Variants in MXRA5 observed in about 807,000 individuals in gnomAD.
MXRA5 encodes the protein matrix-remodeling-associated protein 5.
MXRA5 carries 41 observed loss-of-function variants against 112.5 expected under a neutral mutation model. The ratio of observed to expected loss-of-function variants is 0.36; its 90% CI spans 0.28 to 0.47. MXRA5 has a LOEUF of 0.47. Ranked by LOEUF, MXRA5 falls within the 20% of genes least tolerant of loss-of-function variation. The pLI is 0.99. For synonymous variants in MXRA5, 862 were observed against 900.8 expected (o/e 0.96, Z 0.77); for missense variants, 2,150 against 2,251.0 (o/e 0.96, Z 0.91).
intron 6 of MXRA5, among the ~76,000 whole-genome samples, chrX:3,316,236 C>G (rs1337625443): frequency 6.5e-5 from 1 of 15,387 alleles, no homozygotes; most frequent in Non-Finnish European, 1.1e-4. Flanking sequence ...ATGGCGTGAA[C>G]CCGGGAGGCG....
rs746455745 is a variant in MXRA5 at position 3,309,554 on chromosome X, T to C, written c.*162A>G. The C allele has an allele frequency of 1.4e-3, 652 of 466,283 alleles. 1 individual carries two copies. The highest frequency in any genetic ancestry group is 2.2e-3 in the Non-Finnish European group (601 of 277,277). 38.4% of individuals were successfully genotyped at this position (466,283 alleles called of 1,213,427 possible). On this transcript the variant is annotated 3_prime_UTR_variant, in exon 7 of 7. Transcript: ENST00000217939. ...CCTTCTCGTGTCTGCATTGCTTCCT[T>C]TTCCCAACAATTGTAGATCAAGATC...
chrX:3,311,911 A>G (rs1190961131), intron 6 of MXRA5, among the ~76,000 whole-genome samples: 2 of 112,510 alleles, frequency 1.8e-5, no homozygotes, highest in South Asian at 7.4e-4. Context: ...GTGTGTGTGG[A>G]TCAAGTATTT....
chrX:3,343,751 G>C lies in MXRA5; in HGVS notation c.83C>G (p.Pro28Arg), dbSNP rs759774377. Reference protein sequence around the residue: ...WGHPRVALACPHPCACYVPSE... With the variant: ...WGHPRVALACRHPCACYVPSE... ...GGGGACGTAGCAGGCACAAGGATGCGGGCAGGCCAGCGCCACTCGCGGATG... is the reference window on the plus strand; with the variant it reads ...GGGGACGTAGCAGGCACAAGGATGCCGGCAGGCCAGCGCCACTCGCGGATG... The change falls in exon 2 of 7, where the codon CCG becomes CGG. Residue 28 changes from proline (P) to arginine (R), a missense_variant. Coordinates refer to ENST00000217939, the MANE Select transcript of MXRA5 (RefSeq NM_015419.4). 9.1e-6 allele frequency: 11 copies of C among 1,211,253 alleles called. No individual in the cohort carries two copies. Among genetic ancestry groups the C allele is most frequent in the Non-Finnish European group, 1.1e-5 (10 of 895,324 alleles).
rs1298701057 is a variant in MXRA5 at position 3,321,740 on chromosome X, G to A, written c.3945C>T (p.Val1315=). The change falls in exon 5 of 7, where the codon GTC becomes GTT. Residue 1315 remains valine (V), a synonymous_variant. Coordinates refer to ENST00000217939, the MANE Select transcript of MXRA5 (RefSeq NM_015419.4). ...SYPKVQETLP[V]TYKPTSDGKE... ...TTCCATCTGATGTGGGTTTATATGT[G>A]ACTGGAAGTGTCTCTTGGACTTTAG... The A allele has an allele frequency of 8.3e-7, 1 of 1,210,466 alleles. No individual in the cohort carries two copies. The highest frequency in any genetic ancestry group is 2.3e-4 in the Middle Eastern group (1 of 4,350).
chrX:3,344,755 T>C lies in MXRA5; in HGVS notation c.-28-894A>G, dbSNP rs1013761626. On this transcript the variant is annotated intron_variant, in intron 1 of 6. Transcript: ENST00000217939. ...GACACACATGGAAAGTAAATAGGGA[T>C]ACACAACAAACACGCGCCTGCCCAT... 1.1e-4 allele frequency among the ~76,000 whole-genome samples: 12 copies of C among 111,002 alleles called. 1 individual carries two copies. The highest frequency in any genetic ancestry group is 8.7e-4 in the Admixed American group (9 of 10,366).
At chrX:3,326,877 C>T (rs762163275) in intron 4 of MXRA5, among the ~76,000 whole-genome samples, 6 of 111,742 alleles carry the variant, frequency 5.4e-5, no homozygotes, top group East Asian at 5.6e-4. Flanking sequence ...GTGATGACTA[C>T]CATATGTGCT....
intron 5 of MXRA5, 122 bp from the exon 6 acceptor site, chrX:3,318,125 TA>T (rs1009895039): frequency 3.7e-6 from 2 of 536,872 alleles, no homozygotes; most frequent in Non-Finnish European, 2.9e-6. Context: ...GCAAATGTAG[TA>T]GGTAGAATGT....
At chrX:3,342,498 C>T (rs138565535) in intron 2 of MXRA5, among the ~76,000 whole-genome samples, 2,545 of 112,066 alleles carry the variant, frequency 0.023, 82 homozygotes, top group African/African-American at 0.078. Flanking sequence ...GTTACTATTC[C>T]CTCCTCTGCC....
At chrX:3,345,772 C>T (rs1274791905) in intron 1 of MXRA5, among the ~76,000 whole-genome samples, 1 of 113,030 alleles carries the variant, frequency 8.8e-6, no homozygotes, top group Non-Finnish European at 1.9e-5. Flanking sequence ...GGCGGGCAGC[C>T]CTGAGCCCCT....
rs750857625 is a variant in MXRA5, at chrX:3,323,870, G to T, written c.1815C>A (p.Pro605=). Residue 605 remains proline (P), a synonymous_variant, in exon 5 of 7, where the codon CCC becomes CCA. Coordinates refer to ENST00000217939, the MANE Select transcript of MXRA5 (RefSeq NM_015419.4). ...VTLPCNALAI[P]EAHLSWILPN... is the part of the protein sequence containing the mutation. The stretch of plus-strand genomic sequence containing the variant: ...GAAGAATCCAGCTAAGGTGGGCTTC[G>T]GGTATTGCTAAAGCATTGCAAGGCA... 3 of 1,209,163 alleles carry T rather than the reference G, an allele frequency of 2.5e-6. No individual in the cohort carries two copies. The highest frequency in any genetic ancestry group is 3.4e-6 in the Non-Finnish European group (3 of 893,880).
At chrX:3,312,964 A>C (rs1921010183) in intron 6 of MXRA5, among the ~76,000 whole-genome samples, 1 of 112,524 alleles carries the variant, frequency 8.9e-6, no homozygotes, top group Admixed American at 9.4e-5. Context: ...CATTGTAATA[A>C]AAGCAATGAT....
intron 2 of MXRA5, among the ~76,000 whole-genome samples, chrX:3,342,154 G>A (rs145227950): frequency 0.012 from 1,375 of 110,264 alleles, 24 homozygotes; most frequent in African/African-American, 0.042. Context: ...AAAACCAAAC[G>A]CTGCATGTTC....
Position 3,322,579 on chromosome X carries a change from C to T in MXRA5, c.3106G>A (p.Gly1036Arg). 2 of 1,211,550 alleles carry T rather than the reference C, an allele frequency of 1.7e-6. No individual in the cohort carries two copies. Among genetic ancestry groups the T allele is most frequent in the South Asian group, 1.8e-5 (1 of 56,957 alleles). Residue 1036 changes from glycine to arginine, a missense_variant, in exon 5 of 7, where the codon GGA becomes AGA. By Grantham distance (125) the Gly-to-Arg change is moderately radical (BLOSUM62 -2). This residue lies in a region of MXRA5 where 1,485 missense variants were observed against 1,471.6 expected (regional missense o/e 1.01). Coordinates refer to ENST00000217939, the MANE Select transcript of MXRA5 (RefSeq NM_015419.4). ...ACAAGGTGGATGTTGTCTGTCAGTC[C>T]TTGTAGATGTGATTGGCCTGGGACA... The part of the protein sequence containing the change: ...PGVPGQSHLQ[G>R]LTDNIHLVKS...
At chrX:3,315,992 T>C (rs1175196426) in intron 6 of MXRA5, among the ~76,000 whole-genome samples, 3 of 96,301 alleles carry the variant, frequency 3.1e-5, no homozygotes, top group African/African-American at 1.2e-4. Context: ...GAGGAGGAAG[T>C]TAAGTATTTG....
chrX:3,326,808 C>T (rs931229796), intron 4 of MXRA5, among the ~76,000 whole-genome samples: 11 of 110,309 alleles, frequency 1.0e-4, no homozygotes, highest in Non-Finnish European at 2.1e-4. Flanking sequence ...CCTTTCTGGT[C>T]GGCTTCAGCG....
intron 4 of MXRA5, among the ~76,000 whole-genome samples, chrX:3,326,580 A>G (rs1408815554): frequency 9.3e-6 from 1 of 107,884 alleles, no homozygotes; most frequent in African/African-American, 3.4e-5. Flanking sequence ...CTAGGTAACT[A>G]TATCTATATT....
At chrX:3,345,865 C>T (rs1322389737) in intron 1 of MXRA5, among the ~76,000 whole-genome samples, 1 of 112,853 alleles carries the variant, frequency 8.9e-6, no homozygotes, top group African/African-American at 3.2e-5. Context: ...GCTGGGGTGG[C>T]CCTGCGAGTC....
Position 3,310,247 on chromosome X carries a change from A to T in MXRA5, c.7956T>A (p.Gly2652=), listed in dbSNP as rs1920973192. 8.3e-7 allele frequency: 1 copy of T among 1,211,285 alleles called. No homozygotes were observed. Among genetic ancestry groups the T allele is most frequent in the Middle Eastern group, 2.3e-4 (1 of 4,346 alleles). ...QYHNLVSIIN[G]ETLKLPCTPP... Reference sequence around the variant, plus strand: ...GGGTGCAGGGGAGCTTCAGGGTCTCACCATTGATGATGCTGACCAGGTTAT... The same window carrying T: ...GGGTGCAGGGGAGCTTCAGGGTCTCTCCATTGATGATGCTGACCAGGTTAT... Residue 2652 remains glycine (G), a synonymous_variant, in exon 7 of 7, where the codon GGT becomes GGA. Transcript: ENST00000217939.
rs916951519 is a variant in MXRA5, at chrX:3,343,956, G to C, written c.-28-95C>G. The C allele has an allele frequency of 8.7e-6, 6 of 692,501 alleles. No individual in the cohort carries two copies. The African/African-American group carries it at 1.1e-4, about 13-fold the overall frequency. 57.1% of individuals were successfully genotyped at this position (692,501 alleles called of 1,213,427 possible). ...TTTGAATTGTGCATCAGGGTTTCAA[G>C]CTTCCCAGGACTTCACACGATGTGT... On this transcript the variant is annotated intron_variant, in intron 1 of 6. Transcript: ENST00000217939.
Sources: allele counts gnomAD v4.1 joint callset (sites outside exome capture counted in the v4.1 genomes callset), GRCh38; gene constraint gnomAD v4.1.1; regional missense constraint gnomAD v4.1.1; transcripts MANE v1.5; gene names NCBI Gene and HGNC (gene_info 2026-07-23, HGNC 2026-07-21).